EPHA10: variants seen among roughly 807,000 people sequenced by gnomAD.
The protein encoded by EPHA10 is EPH receptor A10.
EPHA10 carries 120 observed loss-of-function variants against 109.7 expected under a neutral mutation model. The ratio of observed to expected loss-of-function variants is 1.09; its 90% CI spans 0.94 to 1.27. The LOEUF (loss-of-function observed/expected upper bound fraction) is 1.27, where lower values mean the gene tolerates loss of function less well. Among genes scored for constraint, EPHA10 ranks in the 50% most tolerant of loss-of-function variants. The pLI is 0.00. For missense variants in EPHA10, 1,396 were observed against 1,411.1 expected (o/e 0.99, Z 0.17); for synonymous variants, 640 against 618.9 (o/e 1.03, Z -0.51).
At chr1:37,752,250 C>G (rs912253198) in intron 5 of EPHA10, among the ~76,000 whole-genome samples, 1 of 152,140 alleles carries the variant, frequency 6.6e-6, no homozygotes, top group African/African-American at 2.4e-5. Context: ...CACCTCATGT[C>G]CAGACTCAGA....
chr1:37,758,610 T>C (rs998733265), intron 3 of EPHA10, among the ~76,000 whole-genome samples: 3 of 152,206 alleles, frequency 2.0e-5, no homozygotes, highest in Non-Finnish European at 4.4e-5. Flanking sequence ...ACTCTCCTAG[T>C]TCTCCTCCAT....
intron 6 of EPHA10, among the ~76,000 whole-genome samples, chr1:37,732,725 T>C (rs1160200947): frequency 1.3e-5 from 2 of 151,780 alleles, no homozygotes; most frequent in East Asian, 1.9e-4. Context: ...CAGAGAGAGG[T>C]TGAGATGAGC....
At position 37,754,009 on chromosome 1, in the gene EPHA10, T is replaced by A. The variant is rs535617493; in HGVS notation, c.1006+206A>T. Among the ~76,000 whole-genome samples the A allele has an allele frequency of 2.0e-5, 3 of 152,096 alleles. No individual in the cohort carries two copies. Among genetic ancestry groups the A allele is most frequent in the African/African-American group, 7.2e-5 (3 of 41,412 alleles). On this transcript the variant is annotated intron_variant, in intron 4 of 16. Coordinates refer to ENST00000373048, the MANE Select transcript of EPHA10 (RefSeq NM_001099439.2). This position sits in a 1 kb window ranked among gnomAD's most constrained non-coding sequence, Gnocchi z 4.5. ...TCCGTCTGGACTCTCGCAGTTGTCC[T>A]GGTTCTTCTCATCAAAGGCCCCGGC...
At position 37,748,993 on chromosome 1, in the gene EPHA10, G is replaced by A. The variant is rs562031060; in HGVS notation, c.1357+3883C>T. On this transcript the variant is annotated intron_variant, in intron 5 of 16. Transcript: ENST00000373048. ...GCTGGAGTGCAGTGGCACGATCTCA[G>A]CTCACTGCAACCTCCACCTCCAGGG... 5.6e-4 allele frequency among the ~76,000 whole-genome samples: 78 copies of A among 138,496 alleles called. 4 individuals are homozygous for A. The South Asian group carries it at 0.014, about 25-fold the overall frequency. The allele number at this position is 138,496 out of a possible 152,430, so 90.9% of individuals were successfully genotyped here.
chr1:37,722,971 G>T (rs1346163914), intron 10 of EPHA10, 70 bp downstream of exon 10: 1 of 1,609,922 alleles, frequency 6.2e-7, no homozygotes, highest in Non-Finnish European at 8.5e-7. Flanking sequence ...TGTGGACAGA[G>T]TAGGGGCGGG....
chr1:37,759,472 G>A (rs756011967), intron 3 of EPHA10, among the ~76,000 whole-genome samples: 1 of 152,134 alleles, frequency 6.6e-6, no homozygotes, highest in Non-Finnish European at 1.5e-5. Context: ...TTAGAATTAG[G>A]TTCTCCCTTC....
Position 37,720,533 on chromosome 1 carries a change from C to T in EPHA10, c.2230G>A (p.Ala744Thr), listed in dbSNP as rs537583899. Residue 744 changes from alanine (A) to threonine (T), a missense_variant, in exon 13 of 17, where the codon GCT becomes ACT. Transcript: ENST00000373048. Reference protein sequence around the residue: ...FLRRHEGQLVAGQLMGLLPGL... With the variant: ...FLRRHEGQLVTGQLMGLLPGL... ...GGCAGCAACCCCATCAGTTGCCCAG[C>T]CACCAGCTGCCCCTCGTGCCGCTGT... 10 of 1,611,848 alleles carry T rather than the reference C, an allele frequency of 6.2e-6. 1 individual carries two copies. The South Asian group carries it at 7.7e-5, about 12-fold the overall frequency.
At chr1:37,721,983 T>A in intron 10 of EPHA10, 138 bp from the exon 11 acceptor site, 1 of 833,226 alleles carries the variant, frequency 1.2e-6, no homozygotes, top group Non-Finnish European at 1.8e-6. Context: ...ATACAAAAAT[T>A]AACCAGACAA....
intron 6 of EPHA10, chr1:37,734,753 G>A: frequency 2.5e-6 from 1 of 405,830 alleles, no homozygotes; most frequent in Non-Finnish European, 4.8e-6. Flanking sequence ...TATTATCACT[G>A]TAAATGCTGT....
Position 37,731,456 on chromosome 1 carries a change from C to T in EPHA10, c.1618G>A (p.Ala540Thr). 1 of 1,613,558 alleles carries T rather than the reference C, an allele frequency of 6.2e-7. No individual in the cohort carries two copies. The highest frequency in any genetic ancestry group is 8.5e-7 in the Non-Finnish European group (1 of 1,179,682). ...TCAATGCTGGGGTTAAAACTCTGGG[C>T]CTCCCAGGATGGCCCCGGGGAAGCG... ...RAASPGPSWEAQSFNPSIEVQ... is the reference protein window; with the variant it reads ...RAASPGPSWETQSFNPSIEVQ... Residue 540 changes from alanine (A) to threonine (T), a missense_variant, in exon 7 of 17, where the codon GCC becomes ACC. Physicochemically the swap from Ala to Thr is moderately conservative, Grantham distance 58 (BLOSUM62 0). Coordinates refer to ENST00000373048, the MANE Select transcript of EPHA10 (RefSeq NM_001099439.2).
intron 5 of EPHA10, among the ~76,000 whole-genome samples, chr1:37,744,982 C>T (rs1646208808): frequency 6.6e-6 from 1 of 152,158 alleles, no homozygotes; most frequent in Admixed American, 6.5e-5. Context: ...GATGTGAAGA[C>T]ACAGGGAGAA....
intron 10 of EPHA10, 134 bp downstream of exon 10, chr1:37,722,889 TGGGCTTGGTGTGGAGGCA>T (rs768684786): frequency 8.8e-7 from 1 of 1,137,938 alleles, no homozygotes; most frequent in South Asian, 1.3e-5. Context: ...GGGTGGAGGG[TGGGCTTGGTGTGGAGGCA>T]GGGCTTCCAG....
At chr1:37,753,541 T>G (rs1569758421) in intron 4 of EPHA10, among the ~76,000 whole-genome samples, 2 of 51,596 alleles carry the variant, frequency 3.9e-5, no homozygotes, top group South Asian at 5.7e-4. Context: ...TAGGAAGGTG[T>G]GAGGGGTCTG....
chr1:37,727,135 C>A lies in EPHA10; in HGVS notation c.1739G>T (p.Gly580Val). ...VVTISALLVL[G>V]SVMSVLAIWR... The stretch of plus-strand genomic sequence containing the variant: ...AATGGCCAGCACACTCATCACGGAG[C>A]CCAGGACGAGGAGGGCCGAGATGGT... Residue 580 changes from glycine to valine, a missense_variant, in exon 8 of 17, where the codon GGC (glycine) becomes GTC (valine). Gly to Val is a moderately radical substitution (Grantham distance 109). Coordinates refer to ENST00000373048, the MANE Select transcript of EPHA10 (RefSeq NM_001099439.2). 4 of 1,612,610 alleles carry A rather than the reference C, an allele frequency of 2.5e-6. No homozygotes were observed. In the East Asian group the frequency reaches 8.9e-5, roughly 36 times the overall value.
In EPHA10 at chr1:37,732,671, G is replaced by A. The variant is rs553486876; in HGVS notation, c.1492-1089C>T. On this transcript the variant is annotated intron_variant, in intron 6 of 16. Coordinates refer to ENST00000373048, the MANE Select transcript of EPHA10 (RefSeq NM_001099439.2). ...GGCTGCCTACCTGGGCATTGGCAAC[G>A]TGCCGTAAGCAAGCCCCTCTGCATC... Among the ~76,000 whole-genome samples, 67 of 152,136 alleles carry A rather than the reference G, an allele frequency of 4.4e-4. No individual in the cohort carries two copies. The South Asian group carries it at 4.8e-3, about 11-fold the overall frequency.
rs573174194 is a variant in EPHA10, at chr1:37,748,750, C to T, written c.1357+4126G>A. On this transcript the variant is annotated intron_variant, in intron 5 of 16. Transcript: ENST00000373048. ...CAGGTCAAAAAGGAAAAAATTTGGT[C>T]ATATTGAAAATGCTTAATAAGCATT... 1.6e-3 allele frequency among the ~76,000 whole-genome samples: 240 copies of T among 151,934 alleles called. 1 individual carries two copies. Among genetic ancestry groups the T allele is most frequent in the Non-Finnish European group, 2.6e-3 (174 of 67,974 alleles).
chr1:37,746,301 T>C (rs1325667832), intron 5 of EPHA10, among the ~76,000 whole-genome samples: 1 of 152,058 alleles, frequency 6.6e-6, no homozygotes, highest in Non-Finnish European at 1.5e-5. Context: ...GGTTTCTCCA[T>C]GTTGAGGCTG....
At position 37,721,739 on chromosome 1, in the gene EPHA10, G is replaced by A. The variant is rs369715737; in HGVS notation, c.2067C>T (p.Leu689=). Residue 689 remains leucine (L), a synonymous_variant, in exon 11 of 17, where the codon CTC becomes CTT. Coordinates refer to ENST00000373048, the MANE Select transcript of EPHA10 (RefSeq NM_001099439.2). The stretch of plus-strand genomic sequence containing the variant: ...GCGTGAGGGCCTCGGCCAGGAAGCC[G>A]AGCCTCTGTGAGTCGGAGGCGCTGT... The part of the protein sequence containing the change: ...LRDSASDSQR[L]GFLAEALTLG... 14 of 1,612,460 alleles carry A rather than the reference G, an allele frequency of 8.7e-6. No homozygotes were observed. Among genetic ancestry groups the A allele is most frequent in the African/African-American group, 2.7e-5 (2 of 74,888 alleles).
chr1:37,716,222 TGG>T lies in EPHA10; in HGVS notation c.*2148_*2149del. On this transcript the variant is annotated 3_prime_UTR_variant, in exon 17 of 17. Transcript: ENST00000373048. ...TGAGGCCTGGGACCCAACAGGATTC[TGG>T]GACCTCACTCCTCAGTGGAGGGGAG... The T allele has an allele frequency of 3.2e-6, 1 of 316,164 alleles. No homozygotes were observed. Among genetic ancestry groups the T allele is most frequent in the South Asian group, 4.3e-5 (1 of 23,428 alleles). 19.6% of individuals were successfully genotyped at this position (316,164 alleles called of 1,614,324 possible).
Sources: gnomAD v4.1 joint callset for allele counts (sites outside exome capture counted in the v4.1 genomes callset) on GRCh38, gnomAD v4.1.1 for gene constraint, Gnocchi (gnomAD v3.1) non-coding constraint, MANE v1.5 for transcripts, NCBI Gene and HGNC (gene_info 2026-07-23, HGNC 2026-07-21) for gene names.